PTPRT: variants seen among roughly 807,000 people sequenced by gnomAD.
PTPRT encodes receptor-type tyrosine-protein phosphatase T.
A neutral mutation model predicts 176.8 loss-of-function variants in PTPRT; 56 were observed. The ratio of observed to expected loss-of-function variants is 0.32; its 90% confidence interval spans 0.26 to 0.40. The LOEUF (loss-of-function observed/expected upper bound fraction) is 0.40, where lower values mean the gene tolerates loss of function less well. Ranked by LOEUF, PTPRT falls within the 10% of genes least tolerant of loss-of-function variation. The pLI is 1.00. For synonymous variants in PTPRT, 783 were observed against 739.0 expected, an observed-to-expected ratio of 1.06 and a Z score of -0.96; for missense variants, 1,540 against 1,908.2, an observed-to-expected ratio of 0.81 and a Z score of 3.60.
At chr20:42,636,311 C>G (rs903816256) in intron 7 of PTPRT, among the ~76,000 whole-genome samples, 6 of 152,108 alleles carry the variant, frequency 3.9e-5, no homozygotes, top group Non-Finnish European at 5.9e-5. Flanking sequence ...AGTTAAATAA[C>G]CTTCATGCTG....
chr20:42,098,795 A>G (rs188582000), intron 26 of PTPRT, among the ~76,000 whole-genome samples: 1 of 152,352 alleles, frequency 6.6e-6, no homozygotes, highest in Admixed American at 6.5e-5. Flanking sequence ...TTATCCAAAT[A>G]AATTATTTAT....
intron 9 of PTPRT, among the ~76,000 whole-genome samples, chr20:42,438,418 A>G (rs1010022569): frequency 9.9e-5 from 15 of 152,170 alleles, no homozygotes; most frequent in African/African-American, 2.4e-4. Context: ...TGAGGTGATC[A>G]CAGGCCCCCC....
At chr20:42,737,245 G>A (rs2076554320) in intron 6 of PTPRT, among the ~76,000 whole-genome samples, 1 of 152,198 alleles carries the variant, frequency 6.6e-6, no homozygotes, top group Admixed American at 6.5e-5. Flanking sequence ...CACACAGAGA[G>A]AAGAAGGCCA....
intron 11 of PTPRT, among the ~76,000 whole-genome samples, chr20:42,348,616 T>C (rs1314859435): frequency 6.6e-6 from 1 of 152,152 alleles, no homozygotes. Context: ...TATACAATGT[T>C]GCGAGAATAC....
chr20:43,013,353 A>G (rs1985222047), intron 1 of PTPRT, among the ~76,000 whole-genome samples: 1 of 152,152 alleles, frequency 6.6e-6, no homozygotes, highest in African/African-American at 2.4e-5. Flanking sequence ...AATGCATTTT[A>G]TTCACAACAA....
intron 1 of PTPRT, among the ~76,000 whole-genome samples, chr20:43,091,678 A>G (rs774657092): frequency 2.6e-5 from 4 of 152,122 alleles, no homozygotes; most frequent in Non-Finnish European, 5.9e-5. Context: ...AGACAAAATG[A>G]AAAGGAATAC....
intron 7 of PTPRT, among the ~76,000 whole-genome samples, chr20:42,617,354 A>G (rs2074101613): frequency 7.3e-6 from 1 of 136,516 alleles, no homozygotes; most frequent in African/African-American, 3.3e-5. Flanking sequence ...TATTTTATTG[A>G]GGATTTTTGC....
At chr20:42,534,562 G>A (rs1470915520) in intron 7 of PTPRT, among the ~76,000 whole-genome samples, 2 of 152,116 alleles carry the variant, frequency 1.3e-5, no homozygotes, top group African/African-American at 2.4e-5. Flanking sequence ...TGTGAACCCG[G>A]GAGGCAGAGC....
At chr20:42,559,613 A>G (rs2072917093) in intron 7 of PTPRT, among the ~76,000 whole-genome samples, 1 of 152,174 alleles carries the variant, frequency 6.6e-6, no homozygotes, top group Admixed American at 6.5e-5. Flanking sequence ...GCACGGCATG[A>G]CATTATAGTC....
intron 16 of PTPRT, among the ~76,000 whole-genome samples, chr20:42,183,719 A>G (rs1990614541): frequency 2.0e-5 from 3 of 152,164 alleles, no homozygotes; most frequent in East Asian, 3.9e-4. Context: ...TGCATATGCC[A>G]TTTTTCCTAT....
intron 1 of PTPRT, among the ~76,000 whole-genome samples, chr20:43,091,782 G>A (rs971740415): frequency 6.6e-6 from 1 of 152,166 alleles, no homozygotes; most frequent in Non-Finnish European, 1.5e-5. Flanking sequence ...ATGGTCCCAG[G>A]AGGAAGGTAG....
At position 42,635,245 on chromosome 20, in the gene PTPRT, G is replaced by T. The variant is rs531941335; in HGVS notation, c.1153+42621C>A. Among the ~76,000 whole-genome samples, 27 of 119,120 alleles carry T rather than the reference G, an allele frequency of 2.3e-4. No individual in the cohort carries two copies. The South Asian group carries it at 5.5e-3, about 24-fold the overall frequency. The allele number at this position is 119,120 out of a possible 152,430, so 78.1% of individuals were successfully genotyped here. On this transcript the variant is annotated intron_variant, in intron 7 of 30. Transcript: ENST00000373187. ...ACTTAGAACTACATTGAAAACAAAT[G>T]AATGTGTCCCCAGATGAAAAATAAT... is the stretch of plus-strand genomic sequence containing the variant.
intron 1 of PTPRT, among the ~76,000 whole-genome samples, chr20:43,072,564 A>C (rs2011195158): frequency 6.6e-6 from 1 of 152,348 alleles, no homozygotes; most frequent in African/African-American, 2.4e-5. Context: ...AAAAAAGAAA[A>C]AAAAACTCAT....
At chr20:42,460,346 T>C (rs1714715816) in intron 8 of PTPRT, among the ~76,000 whole-genome samples, 1 of 152,170 alleles carries the variant, frequency 6.6e-6, no homozygotes, top group South Asian at 2.1e-4. Context: ...ATTGGAACAC[T>C]GCCGCACCCA....
At position 42,303,868 on chromosome 20, in the gene PTPRT, G is replaced by A. The variant is rs78913569; in HGVS notation, c.2139+11855C>T. Among the ~76,000 whole-genome samples, 1,142 of 152,210 alleles carry A rather than the reference G, an allele frequency of 7.5e-3. 13 individuals carry two copies. The highest frequency in any genetic ancestry group is 0.025 in the African/African-American group (1,047 of 41,524). On this transcript the variant is annotated intron_variant, in intron 12 of 30. Coordinates refer to ENST00000373187, the MANE Select transcript of PTPRT (RefSeq NM_007050.6). ...TGAATATAGAAGGTGATGTATAGCA[G>A]GAAACCCAGACTTTGCTGATAGGAA...
chr20:42,814,189 T>C (rs943001140), intron 2 of PTPRT, among the ~76,000 whole-genome samples: 2 of 152,186 alleles, frequency 1.3e-5, no homozygotes, highest in Non-Finnish European at 2.9e-5. Flanking sequence ...TTTCCATACT[T>C]ACCAGTGTTT....
intron 1 of PTPRT, among the ~76,000 whole-genome samples, chr20:43,085,044 G>A (rs1040432964): frequency 4.6e-5 from 7 of 152,142 alleles, no homozygotes; most frequent in African/African-American, 1.7e-4. Context: ...CTTCCCTTCT[G>A]CTAAAGATCA....
chr20:42,242,535 G>T (rs1196270139), intron 14 of PTPRT, among the ~76,000 whole-genome samples: 2 of 152,328 alleles, frequency 1.3e-5, no homozygotes, highest in East Asian at 3.9e-4. Context: ...GTCAGGAAGG[G>T]TTTATAGGAG....
At chr20:42,539,795 C>G (rs2072546144) in intron 7 of PTPRT, among the ~76,000 whole-genome samples, 1 of 151,998 alleles carries the variant, frequency 6.6e-6, no homozygotes, top group African/African-American at 2.4e-5. Context: ...AAATAGGACA[C>G]TATATATTAG....
Sources: gnomAD v4.1 joint callset for allele counts (sites outside exome capture counted in the v4.1 genomes callset) on GRCh38, gnomAD v4.1.1 for gene constraint, MANE v1.5 for transcripts, NCBI Gene and HGNC (gene_info 2026-07-23, HGNC 2026-07-21) for gene names.